Variants in FLII observed in about 807,000 individuals in gnomAD.
FLII encodes the protein FLII actin remodeling protein, also known as protein flightless-1 homolog.
In FLII, 101 loss-of-function variants were observed where a neutral mutation model predicts 156.2. The observed-to-expected ratio is 0.65, with a 90% CI of 0.55 to 0.76. The LOEUF (loss-of-function observed/expected upper bound fraction) is 0.76, where lower values mean the gene tolerates loss of function less well. FLII is among the 30% of genes least tolerant of loss of function. The pLI is 0.00. For synonymous variants in FLII, 767 were observed against 685.8 expected, an observed-to-expected ratio of 1.12 and a Z score of -1.85; for missense variants, 1,675 against 1,682.8, an observed-to-expected ratio of 1.00 and a Z score of 0.08.
Position 18,244,997 on chromosome 17 carries a change from G to A in FLII, c.*141C>T, listed in dbSNP as rs1567700993. ...GGCACCTGTCAGGGTCATCCCCATT[G>A]GTGCTGCTTGAGGCTACTGGGGACT... is the stretch of plus-strand genomic sequence containing the variant. On this transcript the variant is annotated 3_prime_UTR_variant, in exon 30 of 30. Coordinates refer to ENST00000327031, the MANE Select transcript of FLII (RefSeq NM_002018.4). 1.1e-6 allele frequency: 1 copy of A among 905,182 alleles called. No homozygotes were observed. The highest frequency in any genetic ancestry group is 1.7e-6 in the Non-Finnish European group (1 of 588,806). 56.1% of individuals were successfully genotyped at this position (905,182 alleles called of 1,614,324 possible).
In FLII at chr17:18,247,601, G is replaced by T. The variant is rs956978151; in HGVS notation, c.2487+56C>A. 11 of 1,451,352 alleles carry T rather than the reference G, an allele frequency of 7.6e-6. No individual in the cohort carries two copies. In the African/African-American group the frequency reaches 1.5e-4, roughly 20 times the overall value. The allele number at this position is 1,451,352 out of a possible 1,614,324, so 89.9% of individuals were successfully genotyped here. ...GGAGGTAGTGAAGCCACAGGGGTCA[G>T]GGCATGTCAGGGTGCGAAGGATCCT... On this transcript the variant is annotated intron_variant, in intron 20 of 29. Transcript: ENST00000327031.
chr17:18,251,392 A>C lies in FLII; in HGVS notation c.1469T>G (p.Phe490Cys). Reference sequence around the variant, plus strand: ...CAGCTGGCCCACGTCCTCCGTGAAGAACTCGGAGTAGTCAAGGCGGGGCTT... The same window carrying C: ...CAGCTGGCCCACGTCCTCCGTGAAGCACTCGGAGTAGTCAAGGCGGGGCTT... Reference protein sequence around the residue: ...LEKPRLDYSEFFTEDVGQLPG... With the variant: ...LEKPRLDYSECFTEDVGQLPG... Residue 490 changes from phenylalanine to cysteine, a missense_variant, in exon 13 of 30, where the codon TTC (phenylalanine) becomes TGC (cysteine). This residue lies in a region of FLII where 1,332 missense variants were observed against 1,269.3 expected (regional missense o/e 1.05). Transcript: ENST00000327031. 1 of 1,613,554 alleles carries C rather than the reference A, an allele frequency of 6.2e-7. No individual in the cohort carries two copies. Among genetic ancestry groups the C allele is most frequent in the African/African-American group, 1.3e-5 (1 of 75,070 alleles).
chr17:18,256,892 C>A lies in FLII; in HGVS notation c.174+17G>T. ...TCATCCACAGGGACCCTCCCCTGCC[C>A]GCCCAAACCCCCTTACCAGCTTCTG... On this transcript the variant is annotated intron_variant, in intron 2 of 29. Transcript: ENST00000327031. 6.4e-7 allele frequency: 1 copy of A among 1,564,882 alleles called. No homozygotes were observed. Among genetic ancestry groups the A allele is most frequent in the Admixed American group, 1.8e-5 (1 of 56,256 alleles).
At chr17:18,245,902 G>C (rs1027689592) in intron 26 of FLII, 32 bp downstream of exon 26, 14 of 1,613,926 alleles carry the variant, frequency 8.7e-6, no homozygotes, top group South Asian at 1.1e-5. Context: ...TGGCTCCTCT[G>C]TGTGTGCCCG....
chr17:18,257,751 G>C (rs1345265485), intron 1 of FLII, among the ~76,000 whole-genome samples: 3 of 152,184 alleles, frequency 2.0e-5, no homozygotes, highest in Non-Finnish European at 4.4e-5. Flanking sequence ...TGGGGTCAAA[G>C]GTGTGTACAC....
intron 11 of FLII, 26 bp from the exon 12 acceptor site, chr17:18,251,842 C>A (rs780119919): frequency 2.5e-6 from 4 of 1,612,738 alleles, no homozygotes; most frequent in South Asian, 1.1e-5. Context: ...AACAGCTGAG[C>A]CCTCACTGGG....
intron 1 of FLII, among the ~76,000 whole-genome samples, chr17:18,257,804 C>A (rs951269582): frequency 3.3e-5 from 5 of 152,202 alleles, no homozygotes; most frequent in Admixed American, 6.5e-5. Context: ...CGGCCCCAGC[C>A]CCAGACCAAC....
chr17:18,248,070 G>A (rs1239984622), intron 18 of FLII, 37 bp from the exon 19 acceptor site: 2 of 1,474,684 alleles, frequency 1.4e-6, no homozygotes, highest in Non-Finnish European at 1.9e-6. Flanking sequence ...GAAGGGATCT[G>A]GAGACAGGAA....
At position 18,247,973 on chromosome 17, in the gene FLII, G is replaced by A; in HGVS notation, c.2251C>T (p.His751Tyr). The change falls in exon 19 of 30, where the codon CAT (histidine) becomes TAT (tyrosine). Residue 751 changes from histidine to tyrosine, a missense_variant. By Grantham distance (83) the His-to-Tyr change is moderately conservative (BLOSUM62 2). Around this residue, in one of 2 missense-constraint regions of FLII, gnomAD observed 1,332 missense variants for 1,269.3 expected, o/e 1.05. Transcript: ENST00000327031. ...AGCTCCACCTTGGGACGCTGCTTATGTTCCACGGAGAGCTTGTAGTTGATC... is the reference window on the plus strand; with the variant it reads ...AGCTCCACCTTGGGACGCTGCTTATATTCCACGGAGAGCTTGTAGTTGATC... ...PQINYKLSVE[H>Y]KQRPKVELMP... 4 of 1,614,158 alleles carry A rather than the reference G, an allele frequency of 2.5e-6. No individual in the cohort carries two copies. The highest frequency in any genetic ancestry group is 3.4e-6 in the Non-Finnish European group (4 of 1,180,022).
At chr17:18,253,258 C>T in intron 9 of FLII, 43 bp downstream of exon 9, 1 of 1,609,744 alleles carries the variant, frequency 6.2e-7, no homozygotes, top group African/African-American at 1.3e-5. Flanking sequence ...CCGGGGTTCT[C>T]TGTGCTGCAA....
chr17:18,258,610 G>A lies in FLII; in HGVS notation c.63+18C>T. 1.3e-6 allele frequency: 2 copies of A among 1,550,990 alleles called. No homozygotes were observed. Among genetic ancestry groups the A allele is most frequent in the East Asian group, 2.5e-5 (1 of 40,354 alleles). ...GAAGGCCTGCAGGGAGGCCCGGCAC[G>A]CGCCCGGCCCGGCTCACCTTGAAGT... On this transcript the variant is annotated intron_variant, in intron 1 of 29. Transcript: ENST00000327031. The surrounding 1 kb of genome is among the most constrained non-coding windows in gnomAD (Gnocchi z 4.2).
rs1271579498 is a variant in FLII, at chr17:18,247,070, C to A, written c.2677-18G>T. 1 of 1,610,444 alleles carries A rather than the reference C, an allele frequency of 6.2e-7. No homozygotes were observed. Among genetic ancestry groups the A allele is most frequent in the Non-Finnish European group, 8.5e-7 (1 of 1,179,842 alleles). The stretch of plus-strand genomic sequence containing the variant: ...TGCTCCGCCTGCAGGTGAGAGGGAC[C>A]CGCCCCGCGGCAGGTCTGAGCGCGC... On this transcript the variant is annotated intron_variant, in intron 21 of 29. Coordinates refer to ENST00000327031, the MANE Select transcript of FLII (RefSeq NM_002018.4).
In FLII at chr17:18,247,838, A is replaced by C; in HGVS notation, c.2306T>G (p.Leu769Arg). 6.2e-7 allele frequency: 1 copy of C among 1,613,920 alleles called. No homozygotes were observed. Among genetic ancestry groups the C allele is most frequent in the Non-Finnish European group, 8.5e-7 (1 of 1,179,998 alleles). ...LMPRMRLLQS[L>R]LDTRCVYILD... is the part of the protein sequence containing the mutation. ...AATGTACACGCAGCGCGTGTCCAGC[A>C]GACTCTGCAGCTGCGGACCGGGAGT... The change falls in exon 20 of 30, where the codon CTG (leucine) becomes CGG (arginine). Residue 769 changes from leucine (L) to arginine (R), a missense_variant. Leu to Arg is a moderately radical substitution (Grantham distance 102). Around this residue, in one of 2 missense-constraint regions of FLII, gnomAD observed 1,332 missense variants for 1,269.3 expected, o/e 1.05. Coordinates refer to ENST00000327031, the MANE Select transcript of FLII (RefSeq NM_002018.4).
chr17:18,258,817 G>A (rs942113060), upstream of FLII: 4 of 530,330 alleles, frequency 7.5e-6, no homozygotes, highest in East Asian at 1.9e-4. This position sits in a 1 kb window ranked among gnomAD's most constrained non-coding sequence, Gnocchi z 4.2. Context: ...CGCATTCCGC[G>A]GGGAAGTGTA....
intron 3 of FLII, among the ~76,000 whole-genome samples, chr17:18,256,197 A>G (rs1353632212): frequency 3.9e-5 from 6 of 152,240 alleles, no homozygotes; most frequent in Non-Finnish European, 8.8e-5. Context: ...GGAGGGCTAG[A>G]GCATATGAAA....
In FLII at chr17:18,252,466, C is replaced by T; in HGVS notation, c.1098+6G>A. The T allele has an allele frequency of 6.2e-7, 1 of 1,613,254 alleles. No individual in the cohort carries two copies. The highest frequency in any genetic ancestry group is 8.5e-7 in the Non-Finnish European group (1 of 1,179,602). On this transcript the variant is annotated splice_donor_region_variant and intron_variant, in intron 10 of 29. Transcript: ENST00000327031. ...CTTGAGCCCTCTCAAACCCAGCATG[C>T]CTGACCTCGATCTCCGTCAGGAAAT...
rs745534381 is a variant in FLII, at chr17:18,247,130, ACC to A, written c.2676+37_2676+38del. On this transcript the variant is annotated intron_variant, in intron 21 of 29. Coordinates refer to ENST00000327031, the MANE Select transcript of FLII (RefSeq NM_002018.4). The stretch of plus-strand genomic sequence containing the variant: ...AGGCCCCGCCCTCGGCCTGCCCCCC[ACC>A]CCCCCCCCCGCGCCCCGGTCCCGGC... 1,335 of 952,412 alleles carry A rather than the reference ACC, an allele frequency of 1.4e-3. 1 individual carries two copies. The highest frequency in any genetic ancestry group is 3.3e-3 in the African/African-American group (121 of 36,570). The allele number at this position is 952,412 out of a possible 1,614,324, so 59.0% of individuals were successfully genotyped here.
chr17:18,246,883 G>C (rs1281552834), intron 22 of FLII, 30 bp downstream of exon 22: 2 of 1,614,096 alleles, frequency 1.2e-6, no homozygotes, highest in Non-Finnish European at 8.5e-7. Context: ...CCAGGGGAGG[G>C]ACTTGGGGAA....
At chr17:18,255,296 G>T (rs766684929) in intron 3 of FLII, 33 bp from the exon 4 acceptor site, 7 of 1,566,098 alleles carry the variant, frequency 4.5e-6, no homozygotes, top group South Asian at 3.4e-5. Flanking sequence ...TATAATTCCT[G>T]GCTTCCACTC....
Sources: allele counts gnomAD v4.1 joint callset (sites outside exome capture counted in the v4.1 genomes callset), GRCh38; gene constraint gnomAD v4.1.1; regional missense constraint gnomAD v4.1.1; non-coding constraint Gnocchi (gnomAD v3.1); transcripts MANE v1.5; gene names NCBI Gene and HGNC (gene_info 2026-07-23, HGNC 2026-07-21).